The following RASSF5 variants were observed in gnomAD, a reference collection of about 807,000 sequenced individuals.
The protein encoded by RASSF5 is Ras association domain family member 5.
Under a neutral mutation model 40.5 loss-of-function variants are expected in RASSF5, and 25 were observed. The ratio of observed to expected loss-of-function variants is 0.62; its 90% CI spans 0.45 to 0.86. The LOEUF (loss-of-function observed/expected upper bound fraction) is 0.86. Ranked by LOEUF, RASSF5 falls within the 40% of genes least tolerant of loss-of-function variation. The pLI, the probability that RASSF5 is intolerant of heterozygous loss-of-function variation, is 0.00. For synonymous variants in RASSF5, 246 were observed against 252.4 expected, an observed-to-expected ratio of 0.97 and a Z score of 0.24; for missense variants, 521 against 572.8, an observed-to-expected ratio of 0.91 and a Z score of 0.92.
At chr1:206,540,681 G>A (rs2103525080) in intron 2 of RASSF5, among the ~76,000 whole-genome samples, 1 of 152,344 alleles carries the variant, frequency 6.6e-6, no homozygotes, top group East Asian at 1.9e-4. Flanking sequence ...AAGCCTGTTT[G>A]TGCTCATTTC....
At chr1:206,545,508 T>C (rs1404975897) in intron 2 of RASSF5, among the ~76,000 whole-genome samples, 4 of 92,854 alleles carry the variant, frequency 4.3e-5, no homozygotes, top group African/African-American at 9.0e-5. Flanking sequence ...TGCCTGAATA[T>C]TTTTTGAGTT....
intron 2 of RASSF5, among the ~76,000 whole-genome samples, chr1:206,548,404 C>T (rs540677266): frequency 3.9e-5 from 6 of 152,048 alleles, no homozygotes; most frequent in African/African-American, 7.3e-5. Flanking sequence ...GAGGAGGAGG[C>T]GCCAAGCTCC....
intron 1 of RASSF5, among the ~76,000 whole-genome samples, chr1:206,512,401 C>T (rs1393961470): frequency 6.6e-6 from 1 of 152,152 alleles, no homozygotes; most frequent in Non-Finnish European, 1.5e-5. Context: ...TTCATCAGAG[C>T]ATGAAATTTT....
At chr1:206,576,433 G>A (rs1052619694) in intron 2 of RASSF5, among the ~76,000 whole-genome samples, 7 of 152,218 alleles carry the variant, frequency 4.6e-5, no homozygotes, top group African/African-American at 1.7e-4. Context: ...ATGGAGTAAA[G>A]TGAGCAAAAT....
chr1:206,529,611 C>T (rs1360497068), intron 1 of RASSF5: 12 of 771,286 alleles, frequency 1.6e-5, no homozygotes, highest in Non-Finnish European at 2.8e-5. Context: ...CATCCACTGT[C>T]ACTGGGGCGG....
chr1:206,571,445 C>G (rs1160993096), intron 2 of RASSF5: 2 of 152,116 alleles, frequency 1.3e-5, no homozygotes, highest in African/African-American at 4.8e-5. Context: ...CACTCACCTA[C>G]CCACCGTCCA....
chr1:206,549,972 T>TTC (rs781885636), intron 2 of RASSF5, among the ~76,000 whole-genome samples: 5 of 152,088 alleles, frequency 3.3e-5, no homozygotes, highest in African/African-American at 4.8e-5. Context: ...CTTTCTGCAG[T>TTC]TCTCTCTCTC....
intron 2 of RASSF5, among the ~76,000 whole-genome samples, chr1:206,564,494 A>G (rs1553403109): frequency 6.6e-6 from 1 of 152,230 alleles, no homozygotes. Flanking sequence ...GAAAAGAAGA[A>G]AGATTTTATG....
At chr1:206,520,839 G>A (rs1468881936) in intron 1 of RASSF5, among the ~76,000 whole-genome samples, 1 of 152,158 alleles carries the variant, frequency 6.6e-6, no homozygotes, top group African/African-American at 2.4e-5. Context: ...TGCACTGGGA[G>A]CTGCTGTTGC....
intron 2 of RASSF5, among the ~76,000 whole-genome samples, chr1:206,577,864 G>A (rs1455516602): frequency 6.6e-6 from 1 of 152,202 alleles, no homozygotes; most frequent in Non-Finnish European, 1.5e-5. Flanking sequence ...GAAGTATGAT[G>A]TAAGTCATTA....
At chr1:206,529,655 C>A in intron 1 of RASSF5, 1 of 759,412 alleles carries the variant, frequency 1.3e-6, no homozygotes, top group Non-Finnish European at 2.4e-6. Context: ...TGGCTCACAT[C>A]GCCAAATTCA....
intron 2 of RASSF5, among the ~76,000 whole-genome samples, chr1:206,581,904 C>T (rs1024074195): frequency 6.6e-6 from 1 of 151,958 alleles, no homozygotes; most frequent in Admixed American, 6.6e-5. Flanking sequence ...TTGTGTTCCG[C>T]GGGGTGGTGA....
chr1:206,547,729 A>T (rs1413470179), intron 2 of RASSF5, among the ~76,000 whole-genome samples: 1 of 152,142 alleles, frequency 6.6e-6, no homozygotes, highest in Non-Finnish European at 1.5e-5. Flanking sequence ...CCTGGTGCCA[A>T]AAAGGTTGGG....
At chr1:206,532,745 C>T (rs557583832) in intron 1 of RASSF5, among the ~76,000 whole-genome samples, 152 of 152,294 alleles carry the variant, frequency 1.0e-3, no homozygotes, top group Non-Finnish European at 1.9e-3. Flanking sequence ...CAGGCTCAGT[C>T]GCCTTGGTGC....
At chr1:206,511,407 T>C (rs1012505308) in intron 1 of RASSF5, among the ~76,000 whole-genome samples, 8 of 152,158 alleles carry the variant, frequency 5.3e-5, no homozygotes, top group African/African-American at 1.9e-4. Flanking sequence ...GGAGGTGGCC[T>C]TTTACCTTTC....
In RASSF5 at chr1:206,535,745, A is replaced by T. The variant is rs576736542; in HGVS notation, c.458-2427A>T. 3.9e-3 allele frequency among the ~76,000 whole-genome samples: 576 copies of T among 145,954 alleles called. 3 individuals carry two copies. Among genetic ancestry groups the T allele is most frequent in the African/African-American group, 0.014 (528 of 37,680 alleles). Reference sequence around the variant, plus strand: ...GTGTGTGTGTGTGTGTGTGTGTGTGAGAGAGAGAGAGAGAGATGGAAATTG... The same window carrying T: ...GTGTGTGTGTGTGTGTGTGTGTGTGTGAGAGAGAGAGAGAGATGGAAATTG... On this transcript the variant is annotated intron_variant, in intron 1 of 5. Transcript: ENST00000579436. The surrounding 1 kb of genome is among the most constrained non-coding windows in gnomAD (Gnocchi z 5.0).
At chr1:206,512,286 T>C (rs572035022) in intron 1 of RASSF5, among the ~76,000 whole-genome samples, 14 of 152,220 alleles carry the variant, frequency 9.2e-5, no homozygotes, top group Non-Finnish European at 2.1e-4. Flanking sequence ...AAAGAGGCCT[T>C]CTGAGCTTCC....
Position 206,513,404 on chromosome 1 carries a change from AAAGC to A in RASSF5, c.457+5347_457+5350del, listed in dbSNP as rs1471863514. Among the ~76,000 whole-genome samples, 2 of 152,316 alleles carry A rather than the reference AAAGC, an allele frequency of 1.3e-5. No homozygotes were observed. Among genetic ancestry groups the A allele is most frequent in the East Asian group, 3.9e-4 (2 of 5,190 alleles). ...GGTGGGTGAGTATTTGTGGGTGTGC[AAAGC>A]ATGCAAGCTCCCCACCCCCAGCCCT... On this transcript the variant is annotated intron_variant, in intron 1 of 5. Transcript: ENST00000579436. This position sits in a 1 kb window ranked among gnomAD's most constrained non-coding sequence, Gnocchi z 5.0.
At chr1:206,550,918 C>T (rs114371886) in intron 2 of RASSF5, among the ~76,000 whole-genome samples, 241 of 152,326 alleles carry the variant, frequency 1.6e-3, no homozygotes, top group African/African-American at 4.0e-3. Flanking sequence ...GCTACCCAGT[C>T]CTAAGGCTGC....
Sources: allele counts gnomAD v4.1 joint callset (sites outside exome capture counted in the v4.1 genomes callset), GRCh38; gene constraint gnomAD v4.1.1; non-coding constraint Gnocchi (gnomAD v3.1); transcripts MANE v1.5; gene names NCBI Gene and HGNC (gene_info 2026-07-23, HGNC 2026-07-21).